Variants in RIC1 observed in about 807,000 individuals in gnomAD.
RIC1 encodes guanine nucleotide exchange factor subunit RIC1.
RIC1 carries 88 observed loss-of-function variants against 169.0 expected under a neutral mutation model. The observed-to-expected ratio is 0.52, with a 90% CI of 0.44 to 0.62. The LOEUF (loss-of-function observed/expected upper bound fraction) is 0.62, where lower values mean the gene tolerates loss of function less well. Among genes scored for constraint, RIC1 ranks in the 20% least tolerant of loss-of-function variants. The pLI is 0.00. For synonymous variants in RIC1, 790 were observed against 601.5 expected, an observed-to-expected ratio of 1.31 and a Z score of -4.59; for missense variants, 1,877 against 1,725.5, an observed-to-expected ratio of 1.09 and a Z score of -1.56.
chr9:5,699,907 G>C (rs574608081), intron 3 of RIC1, among the ~76,000 whole-genome samples: 20 of 152,170 alleles, frequency 1.3e-4, no homozygotes, highest in African/African-American at 4.8e-4. Flanking sequence ...GTTTTATATA[G>C]TCAGTGATGT....
chr9:5,760,237 T>G (rs1826247165), intron 17 of RIC1, among the ~76,000 whole-genome samples: 1 of 152,166 alleles, frequency 6.6e-6, no homozygotes, highest in Non-Finnish European at 1.5e-5. Context: ...GGGTAAGAGA[T>G]TGAGTTTGGG....
chr9:5,732,365 T>C, intron 6 of RIC1, 23 bp from the exon 7 acceptor site: 5 of 1,575,964 alleles, frequency 3.2e-6, no homozygotes, highest in Non-Finnish European at 3.5e-6. Context: ...TTTTTAAGCC[T>C]TAACTATTTT....
In RIC1 at chr9:5,765,495, T is replaced by G. The variant is rs774162370; in HGVS notation, c.2923T>G (p.Cys975Gly). 1.9e-6 allele frequency: 3 copies of G among 1,614,200 alleles called. No homozygotes were observed. The Admixed American group carries it at 5.0e-5, about 27-fold the overall frequency. Residue 975 changes from cysteine (C) to glycine (G), a missense_variant, in exon 20 of 26, where the codon TGT (cysteine) becomes GGT (glycine). By Grantham distance (159) the Cys-to-Gly change is radical. Around this residue, in one of 3 missense-constraint regions of RIC1, gnomAD observed 681 missense variants for 582.0 expected, o/e 1.17. Coordinates refer to ENST00000414202, the MANE Select transcript of RIC1 (RefSeq NM_020829.4). ...TALEQGKWDL[C>G]RHMIRFLKAI... is the part of the protein sequence containing the mutation. ...ACTAGAACAAGGCAAGTGGGACCTT[T>G]GTCGACACATGATTCGATTTCTTAA... is the stretch of plus-strand genomic sequence containing the variant.
chr9:5,763,718 C>T lies in RIC1; in HGVS notation c.2691C>T (p.Phe897=), dbSNP rs1826486610. Residue 897 remains phenylalanine, a synonymous_variant, in exon 19 of 26, where the codon TTC becomes TTT. Transcript: ENST00000414202. This position sits in a 1 kb window ranked among gnomAD's most constrained non-coding sequence, Gnocchi z 5.2. ...VAKFITEFPL[F]LQTVVHCARK... Reference sequence around the variant, plus strand: ...AATTTATCACTGAGTTCCCCCTCTTCCTGCAGACAGTTGTCCATTGTGCCA... The same window carrying T: ...AATTTATCACTGAGTTCCCCCTCTTTCTGCAGACAGTTGTCCATTGTGCCA... 1.2e-6 allele frequency: 2 copies of T among 1,614,088 alleles called. No individual in the cohort carries two copies. The highest frequency in any genetic ancestry group is 1.7e-6 in the Non-Finnish European group (2 of 1,180,046).
chr9:5,697,827 T>A (rs1373310411), intron 3 of RIC1, among the ~76,000 whole-genome samples: 2 of 152,204 alleles, frequency 1.3e-5, no homozygotes, highest in African/African-American at 4.8e-5. Flanking sequence ...ACACTTGCTA[T>A]ACACTGCTAC....
At chr9:5,648,922 A>G (rs1818663457) in intron 1 of RIC1, among the ~76,000 whole-genome samples, 1 of 152,206 alleles carries the variant, frequency 6.6e-6, no homozygotes, top group Non-Finnish European at 1.5e-5. Flanking sequence ...TCAGATGCAT[A>G]GTTTGCAACT....
At chr9:5,751,825 C>T (rs186088413) in intron 12 of RIC1, among the ~76,000 whole-genome samples, 16 of 152,274 alleles carry the variant, frequency 1.1e-4, no homozygotes, top group Admixed American at 1.0e-3. Flanking sequence ...ATGTTTAGAG[C>T]ATATTGCTTT....
chr9:5,752,773 A>G (rs192129869), intron 12 of RIC1, among the ~76,000 whole-genome samples: 1 of 152,298 alleles, frequency 6.6e-6, no homozygotes, highest in African/African-American at 2.4e-5. Context: ...TGTAAAAGTA[A>G]TAAAAATATT....
At chr9:5,678,029 G>A (rs575518691) in intron 2 of RIC1, among the ~76,000 whole-genome samples, 5 of 150,586 alleles carry the variant, frequency 3.3e-5, no homozygotes, top group Non-Finnish European at 7.4e-5. Flanking sequence ...CCCAGTGTGT[G>A]ATGTTCCCCT....
In RIC1 at chr9:5,629,450, C is replaced by G. The variant is rs1277759147; in HGVS notation, c.141C>G (p.Ser47Arg). Residue 47 changes from serine to arginine, a missense_variant, in exon 1 of 26, where the codon AGC becomes AGG. Transcript: ENST00000414202. ...CGGCCCGCCTCAGCATCTGGTACAG[C>G]CGAGTAAGTAGAGCCGCCCGCCGCC... Reference protein sequence around the residue: ...LAAARLSIWYSRPSVLIVTYK... With the variant: ...LAAARLSIWYRRPSVLIVTYK... The G allele has an allele frequency of 5.2e-6, 8 of 1,530,566 alleles. No individual in the cohort carries two copies. Among genetic ancestry groups the G allele is most frequent in the Non-Finnish European group, 6.1e-6 (7 of 1,144,652 alleles). 94.8% of individuals were successfully genotyped at this position (1,530,566 alleles called of 1,614,324 possible).
chr9:5,632,953 T>A (rs1817789605), intron 1 of RIC1, among the ~76,000 whole-genome samples: 1 of 152,216 alleles, frequency 6.6e-6, no homozygotes. Flanking sequence ...TTCAGAAGTA[T>A]TTTTGAACAT....
At chr9:5,741,584 T>G (rs1235100597) in intron 8 of RIC1, among the ~76,000 whole-genome samples, 3 of 152,214 alleles carry the variant, frequency 2.0e-5, no homozygotes, top group Non-Finnish European at 4.4e-5. Flanking sequence ...TGTTGTTTGA[T>G]CTGTCCATCA....
chr9:5,753,594 C>A lies in RIC1; in HGVS notation c.1550C>A (p.Ala517Glu). Residue 517 changes from alanine to glutamate, a missense_variant, in exon 14 of 26, where the codon GCA (alanine) becomes GAA (glutamate). Physicochemically the swap from Ala to Glu is moderately radical, Grantham distance 107 (BLOSUM62 -1). Transcript: ENST00000414202. ...NIAVVGKFGF[A>E]HYSLLTKKWK... is the part of the protein sequence containing the mutation. ...GCTGTGGTTGGCAAGTTTGGTTTTG[C>A]ACATTACTCTTTACTCACCAAAAAA... 6.2e-7 allele frequency: 1 copy of A among 1,611,516 alleles called. No homozygotes were observed. The highest frequency in any genetic ancestry group is 1.1e-5 in the South Asian group (1 of 90,676).
intron 2 of RIC1, among the ~76,000 whole-genome samples, chr9:5,669,003 G>A (rs1391022814): frequency 6.6e-6 from 1 of 152,138 alleles, no homozygotes; most frequent in East Asian, 1.9e-4. Context: ...ATTATGTTGT[G>A]GTGACTTTGG....
intron 10 of RIC1, among the ~76,000 whole-genome samples, chr9:5,744,586 T>G: frequency 6.6e-6 from 1 of 152,182 alleles, no homozygotes; most frequent in East Asian, 1.9e-4. Context: ...ATATACCTTA[T>G]GCACATAGAC....
chr9:5,777,533 C>G (rs1405894255), downstream of RIC1, among the ~76,000 whole-genome samples: 1 of 152,032 alleles, frequency 6.6e-6, no homozygotes, highest in African/African-American at 2.4e-5. Context: ...CTTTGAAACA[C>G]TGTTTTTAAG....
At chr9:5,720,355 A>G (rs1823510555) in intron 5 of RIC1, 31 bp downstream of exon 5, 1 of 1,587,028 alleles carries the variant, frequency 6.3e-7, no homozygotes, top group South Asian at 1.1e-5. Context: ...AGGTTGAACC[A>G]GTTGTTTAAT....
chr9:5,735,818 T>G (rs566867810), intron 7 of RIC1, among the ~76,000 whole-genome samples: 73 of 152,354 alleles, frequency 4.8e-4, no homozygotes, highest in Non-Finnish European at 8.7e-4. Flanking sequence ...ACACATTTTG[T>G]CATGGGTGAT....
intron 3 of RIC1, among the ~76,000 whole-genome samples, chr9:5,704,228 A>G (rs2146714): frequency 6.8e-6 from 1 of 146,960 alleles, no homozygotes; most frequent in East Asian, 2.0e-4. Flanking sequence ...TTTTTTTTTT[A>G]TTTTTTTAAA....
Sources: allele counts gnomAD v4.1 joint callset (sites outside exome capture counted in the v4.1 genomes callset), GRCh38; gene constraint gnomAD v4.1.1; regional missense constraint gnomAD v4.1.1; non-coding constraint Gnocchi (gnomAD v3.1); transcripts MANE v1.5; gene names NCBI Gene and HGNC (gene_info 2026-07-23, HGNC 2026-07-21).